TTC6: variants seen among roughly 807,000 people sequenced by gnomAD.
The protein encoded by TTC6 is tetratricopeptide repeat domain 6, also known as tetratricopeptide repeat protein 6.
Under a neutral mutation model 210.4 loss-of-function variants are expected in TTC6, and 172 were observed. The ratio of observed to expected loss-of-function variants is 0.82; its 90% CI spans 0.72 to 0.93. The LOEUF (loss-of-function observed/expected upper bound fraction) is 0.93, where lower values mean the gene tolerates loss of function less well. Ranked by LOEUF, TTC6 falls within the 40% of genes least tolerant of loss-of-function variation. The pLI is 0.00. For missense variants in TTC6, 2,414 were observed against 2,318.1 expected (o/e 1.04, Z -0.85); for synonymous variants, 804 against 819.6 (o/e 0.98, Z 0.32).
chr14:37,810,292 T>A (rs912755006), intron 24 of TTC6, among the ~76,000 whole-genome samples: 2 of 152,192 alleles, frequency 1.3e-5, no homozygotes, highest in Non-Finnish European at 2.9e-5. Context: ...AAGGTAACCC[T>A]GAATAGGAAA....
exon 29 of TTC6, chr14:37,827,221 C>T (rs755949871): frequency 4.3e-6 from 7 of 1,612,582 alleles, no homozygotes; most frequent in Admixed American, 1.7e-5. Flanking sequence ...GAATTCTTAA[C>T]AAATCGTGGG....
At chr14:37,679,862 G>T (rs2095779219) in intron 1 of TTC6, among the ~76,000 whole-genome samples, 2 of 151,766 alleles carry the variant, frequency 1.3e-5, no homozygotes, top group South Asian at 4.2e-4. Context: ...TGCTACTTTT[G>T]TATTTTTACT....
intron 29 of TTC6, among the ~76,000 whole-genome samples, chr14:37,832,071 A>G (rs1372450350): frequency 6.6e-6 from 1 of 152,048 alleles, no homozygotes; most frequent in Non-Finnish European, 1.5e-5. Flanking sequence ...TTATAATTTC[A>G]GGTTTTACAG....
At chr14:37,737,174 C>T (rs1300532294) in intron 8 of TTC6, among the ~76,000 whole-genome samples, 2 of 152,116 alleles carry the variant, frequency 1.3e-5, no homozygotes, top group African/African-American at 2.4e-5. Context: ...AATATAATAA[C>T]ACCAGTCTGG....
At chr14:37,795,785 C>T (rs2096091391) in intron 18 of TTC6, among the ~76,000 whole-genome samples, 1 of 152,120 alleles carries the variant, frequency 6.6e-6, no homozygotes. Flanking sequence ...CAGGTACTGC[C>T]TACTTCCATG....
At position 37,739,568 on chromosome 14, in the gene TTC6, TAAA is replaced by T. The variant is rs869033607; in HGVS notation, c.2363+433_2363+435del. ...TGGATGACAGAGTGAGACTCCATCTTAAAAAAAAAAAAAAAAAAAAAAGAAAGA... is the reference window on the plus strand; with the variant it reads ...TGGATGACAGAGTGAGACTCCATCTTAAAAAAAAAAAAAAAAAAAGAAAGA... On this transcript the variant is annotated intron_variant, in intron 10 of 30. Transcript: ENST00000553443. Among the ~76,000 whole-genome samples the T allele has an allele frequency of 1.3e-4, 16 of 122,364 alleles. 1 individual carries two copies. The highest frequency in any genetic ancestry group is 8.7e-3 in the Middle Eastern group (2 of 230). 80.3% of individuals were successfully genotyped at this position (122,364 alleles called of 152,430 possible).
chr14:37,659,170 T>C (rs945161642), intron 1 of TTC6, among the ~76,000 whole-genome samples: 2 of 152,204 alleles, frequency 1.3e-5, no homozygotes, highest in Non-Finnish European at 2.9e-5. Context: ...ATTTTCTTTA[T>C]TCACTCTACC....
intron 5 of TTC6, among the ~76,000 whole-genome samples, chr14:37,707,630 T>A (rs555456113): frequency 6.6e-6 from 1 of 152,264 alleles, no homozygotes; most frequent in African/African-American, 2.4e-5. Context: ...CAAAGCAGAA[T>A]CTTTCTAAAA....
chr14:37,807,445 G>A, exon 23 of TTC6: 1 of 1,506,774 alleles, frequency 6.6e-7, no homozygotes, highest in South Asian at 1.3e-5. Context: ...GAGGAGTTCT[G>A]AAATACTACA....
chr14:37,701,104 G>A (rs2095824435), intron 4 of TTC6, among the ~76,000 whole-genome samples: 1 of 152,056 alleles, frequency 6.6e-6, no homozygotes, highest in Non-Finnish European at 1.5e-5. Context: ...GTCTGTAGAG[G>A]TGTAGGTTGA....
intron 1 of TTC6, among the ~76,000 whole-genome samples, chr14:37,651,788 C>A (rs1190307898): frequency 6.6e-6 from 1 of 151,846 alleles, no homozygotes; most frequent in Non-Finnish European, 1.5e-5. Flanking sequence ...CATAGCAAGA[C>A]CCTGACTCTA....
chr14:37,738,941 G>C (rs1427683046), exon 10 of TTC6: 1 of 1,535,464 alleles, frequency 6.5e-7, no homozygotes, highest in South Asian at 1.2e-5. Flanking sequence ...GCCCAACTAT[G>C]TGAAAGAAAG....
At chr14:37,841,016 C>T (rs1050716055) in intron 29 of TTC6, among the ~76,000 whole-genome samples, 1 of 151,988 alleles carries the variant, frequency 6.6e-6, no homozygotes, top group African/African-American at 2.4e-5. Flanking sequence ...TTACAGGTGC[C>T]TGCCACCATG....
chr14:37,797,806 C>A (rs948900598), intron 20 of TTC6, among the ~76,000 whole-genome samples: 2 of 152,134 alleles, frequency 1.3e-5, no homozygotes, highest in African/African-American at 4.8e-5. Flanking sequence ...AGACCCTACT[C>A]TATCTTAAGA....
At chr14:37,729,235 T>C (rs1199626424) in intron 7 of TTC6, among the ~76,000 whole-genome samples, 1 of 152,222 alleles carries the variant, frequency 6.6e-6, no homozygotes, top group African/African-American at 2.4e-5. Context: ...TACTTACATA[T>C]TGTTTTTGAA....
chr14:37,803,241 A>G (rs752644130), intron 20 of TTC6, among the ~76,000 whole-genome samples: 1 of 151,994 alleles, frequency 6.6e-6, no homozygotes, highest in Non-Finnish European at 1.5e-5. Flanking sequence ...CCCAATCAAT[A>G]GTGATGTTTT....
chr14:37,681,616 G>A (rs1322660624), intron 2 of TTC6, among the ~76,000 whole-genome samples: 1 of 152,046 alleles, frequency 6.6e-6, no homozygotes, highest in Non-Finnish European at 1.5e-5. Context: ...ACCGGGTCAT[G>A]GATGCTTCCA....
intron 14 of TTC6, among the ~76,000 whole-genome samples, chr14:37,782,655 C>A (rs925826726): frequency 1.3e-5 from 2 of 152,118 alleles, no homozygotes; most frequent in Admixed American, 1.3e-4. Flanking sequence ...CCAGAACTTC[C>A]AACACTATGT....
At chr14:37,660,128 T>C (rs1369190768) in intron 1 of TTC6, among the ~76,000 whole-genome samples, 1 of 152,184 alleles carries the variant, frequency 6.6e-6, no homozygotes. Context: ...TGTCAATTTT[T>C]GTTTTGGCTG....
Sources: allele counts gnomAD v4.1 joint callset (sites outside exome capture counted in the v4.1 genomes callset), GRCh38; gene constraint gnomAD v4.1.1; transcripts MANE v1.5; gene names NCBI Gene and HGNC (gene_info 2026-07-23, HGNC 2026-07-21).